Variants in IRAG2 observed in about 807,000 individuals in gnomAD.
The protein encoded by IRAG2 is lymphoid restricted membrane protein.
IRAG2 carries 45 observed loss-of-function variants against 69.9 expected under a neutral mutation model. That is an observed-to-expected ratio of 0.64 (90% CI 0.51 to 0.83). The LOEUF (loss-of-function observed/expected upper bound fraction) is 0.83. IRAG2 is among the 40% of genes least tolerant of loss of function. The pLI, the probability that IRAG2 is intolerant of heterozygous loss-of-function variation, is 0.00. For synonymous variants in IRAG2, 193 were observed against 202.4 expected (o/e 0.95, Z 0.40); for missense variants, 520 against 587.0 (o/e 0.89, Z 1.18).
chr12:25,063,366 T>A (rs1945758892), intron 3 of IRAG2, among the ~76,000 whole-genome samples: 1 of 152,230 alleles, frequency 6.6e-6, no homozygotes, highest in African/African-American at 2.4e-5. Flanking sequence ...TTACTTTTTT[T>A]AATTGCAGTA....
At chr12:25,064,332 TAAG>T (rs1228613679) in intron 4 of IRAG2, among the ~76,000 whole-genome samples, 4 of 151,736 alleles carry the variant, frequency 2.6e-5, no homozygotes, top group Non-Finnish European at 4.4e-5. Context: ...ACAAAAAAAA[TAAG>T]AAGAGAAGTA....
At chr12:25,003,202 A>G (rs189967444), upstream of IRAG2, among the ~76,000 whole-genome samples, 1 of 141,138 alleles carries the variant, frequency 7.1e-6, no homozygotes, top group East Asian at 1.9e-4. Flanking sequence ...TTAGGGGATT[A>G]AAAAAAAGAT....
intron 16 of IRAG2, among the ~76,000 whole-genome samples, chr12:25,045,837 C>T (rs1356657709): frequency 3.6e-5 from 3 of 83,814 alleles, no homozygotes; most frequent in African/African-American, 1.2e-4. Flanking sequence ...AATTCTTTAC[C>T]AAATAAAAGA....
chr12:25,010,609 C>G (rs1229723628), intron 2 of IRAG2, among the ~76,000 whole-genome samples: 1 of 152,144 alleles, frequency 6.6e-6, no homozygotes, highest in Non-Finnish European at 1.5e-5. Context: ...AGTTATTCAG[C>G]CTCCTTTATG....
the IRAG2 span, among the ~76,000 whole-genome samples, chr12:24,998,663 C>A: frequency 6.6e-6 from 1 of 151,636 alleles, no homozygotes. Flanking sequence ...CAAAAGGAAT[C>A]TCTTGTCTAT....
rs1944480147 is a variant in IRAG2, at chr12:25,012,143, C to CTTTTTTTTTTTTTTTTTTTT, written c.896+592_896+593insTTTTTTTTTTTTTTTTTTTT. ...GTCTTCTTCCACAGAAAGCGAATTC[C>CTTTTTTTTTTTTTTTTTTTT]CTTTTTTTTTTTTTTTTTTTTTTTT... On this transcript the variant is annotated intron_variant, in intron 3 of 38. Transcript: ENST00000636465. 7.9e-4 allele frequency among the ~76,000 whole-genome samples: 19 copies of CTTTTTTTTTTTTTTTTTTTT among 24,096 alleles called. 9 individuals carry two copies. Among genetic ancestry groups the CTTTTTTTTTTTTTTTTTTTT allele is most frequent in the Non-Finnish European group, 8.2e-4 (6 of 7,326 alleles). The allele number at this position is 24,096 out of a possible 152,430, so 15.8% of individuals were successfully genotyped here. A position where few individuals can be genotyped will look rare whatever the true frequency, so the allele number is the denominator to read the frequency against.
chr12:25,002,870 G>A (rs1826894), upstream of IRAG2, among the ~76,000 whole-genome samples: 6,136 of 152,186 alleles, frequency 0.04, 155 homozygotes, highest in East Asian at 0.088. Flanking sequence ...TGGAACTCCT[G>A]ACCTCAGGTG....
Position 25,090,129 on chromosome 12 carries a change from G to A in IRAG2, c.538G>A (p.Glu180Lys). 3 of 1,613,858 alleles carry A rather than the reference G, an allele frequency of 1.9e-6. No individual in the cohort carries two copies. Among genetic ancestry groups the A allele is most frequent in the Non-Finnish European group, 2.5e-6 (3 of 1,179,690 alleles). Residue 180 changes from glutamate to lysine, a missense_variant, in exon 14 of 22, where the codon GAG (glutamate) becomes AAG (lysine). Physicochemically the swap from Glu to Lys is moderately conservative, Grantham distance 56. Coordinates refer to ENST00000556887, the MANE Select transcript of IRAG2 (RefSeq NM_001366544.2). ...CTTGGAGAAGAGAGTGAAGCTTGAA[G>A]AGAGGTCCCGTGACTTGGCAGAAGA... ...FTLEKRVKLE[E>K]RSRDLAEENL...
intron 2 of IRAG2, among the ~76,000 whole-genome samples, chr12:25,006,758 T>A (rs1251086165): frequency 1.3e-5 from 2 of 152,184 alleles, no homozygotes; most frequent in African/African-American, 4.8e-5. Context: ...ACCAGTCACA[T>A]ATTATGCTCA....
intron 16 of IRAG2, among the ~76,000 whole-genome samples, chr12:25,042,974 A>G (rs373249213): frequency 6.7e-6 from 1 of 148,522 alleles, no homozygotes; most frequent in East Asian, 2.0e-4. Flanking sequence ...TAAGAGAGAA[A>G]AGTAGATAAA....
At chr12:25,076,085 AAAAT>A (rs1946674488) in intron 6 of IRAG2, among the ~76,000 whole-genome samples, 1 of 152,210 alleles carries the variant, frequency 6.6e-6, no homozygotes, top group African/African-American at 2.4e-5. Flanking sequence ...GATCAAAAAA[AAAAT>A]CTTCTTTACT....
intron 8 of IRAG2, among the ~76,000 whole-genome samples, chr12:25,025,509 A>C (rs533763427): frequency 0.011 from 1,649 of 150,838 alleles, 11 homozygotes; most frequent in Middle Eastern, 0.028. Flanking sequence ...TTTTTAAAAC[A>C]AAACAAAACA....
At chr12:25,104,313 C>A in intron 19 of IRAG2, 48 bp from the exon 20 acceptor site, 1 of 1,213,932 alleles carries the variant, frequency 8.2e-7, no homozygotes, top group Non-Finnish European at 1.2e-6. Flanking sequence ...TTGATAATGG[C>A]TACAGATGTA....
intron 11 of IRAG2, 38 bp from the exon 12 acceptor site, chr12:25,089,576 C>A (rs200693091): frequency 1.5e-6 from 2 of 1,311,884 alleles, no homozygotes; most frequent in African/African-American, 1.5e-5. Flanking sequence ...ACAGGTCAAG[C>A]CTTTTTAACC....
At chr12:25,004,913 A>G in exon 1 of IRAG2, 1 of 1,228,992 alleles carries the variant, frequency 8.1e-7, no homozygotes, top group Non-Finnish European at 1.0e-6. Flanking sequence ...CTGAATGAAG[A>G]TGGTAAATAT....
intron 16 of IRAG2, among the ~76,000 whole-genome samples, chr12:25,046,988 C>G (rs1198177969): frequency 6.6e-6 from 1 of 152,036 alleles, no homozygotes; most frequent in African/African-American, 2.4e-5. Flanking sequence ...ATATATAGAC[C>G]AATGAAACAG....
upstream of IRAG2, chr12:25,052,442 C>CA (rs1210736236): frequency 1.0e-5 from 4 of 386,932 alleles, no homozygotes; most frequent in African/African-American, 6.5e-5. Context: ...ACAACAACAA[C>CA]AAACAAAAAA....
intron 10 of IRAG2, among the ~76,000 whole-genome samples, chr12:25,084,741 T>C (rs1173217065): frequency 1.3e-5 from 2 of 152,208 alleles, no homozygotes; most frequent in African/African-American, 4.8e-5. Context: ...AGTGAAATGA[T>C]TGGATTTGTG....
At chr12:25,030,677 G>A (rs1302234596) in intron 10 of IRAG2, among the ~76,000 whole-genome samples, 5 of 152,098 alleles carry the variant, frequency 3.3e-5, no homozygotes, top group East Asian at 3.9e-4. Flanking sequence ...GTGAGCCACC[G>A]CACCCAGCCT....
Sources: allele counts gnomAD v4.1 joint callset (sites outside exome capture counted in the v4.1 genomes callset), GRCh38; gene constraint gnomAD v4.1.1; transcripts MANE v1.5; gene names NCBI Gene and HGNC (gene_info 2026-07-23, HGNC 2026-07-21).